Variants in GRIK2 observed in about 807,000 individuals in gnomAD.
GRIK2 encodes glutamate receptor ionotropic, kainate 2.
GRIK2 carries 32 observed loss-of-function variants against 100.3 expected under a neutral mutation model. The observed-to-expected ratio is 0.32, with a 90% CI of 0.24 to 0.43. The LOEUF (loss-of-function observed/expected upper bound fraction) is 0.43, where lower values mean the gene tolerates loss of function less well. Ranked by LOEUF, GRIK2 falls within the 20% of genes least tolerant of loss-of-function variation. GRIK2 has a pLI of 1.00. For missense variants in GRIK2, 843 were observed against 1,114.9 expected, an observed-to-expected ratio of 0.76 and a Z score of 3.47; for synonymous variants, 417 against 389.4, an observed-to-expected ratio of 1.07 and a Z score of -0.83.
intron 2 of GRIK2, among the ~76,000 whole-genome samples, chr6:101,509,609 T>C (rs752166876): frequency 2.6e-5 from 4 of 152,170 alleles, no homozygotes; most frequent in Non-Finnish European, 4.4e-5. Flanking sequence ...GCCTGGAAAT[T>C]TTCCAGGTAG....
chr6:101,790,002 C>T (rs545612876), intron 7 of GRIK2, among the ~76,000 whole-genome samples: 60 of 152,214 alleles, frequency 3.9e-4, no homozygotes, highest in Non-Finnish European at 7.2e-4. Flanking sequence ...ATTTGGCTCT[C>T]TGTTTGTTTG....
intron 10 of GRIK2, among the ~76,000 whole-genome samples, chr6:101,835,314 G>T (rs181847457): frequency 6.6e-6 from 1 of 151,792 alleles, no homozygotes; most frequent in Non-Finnish European, 1.5e-5. Flanking sequence ...GTTTTTATAC[G>T]TTGATTTTTG....
intron 2 of GRIK2, among the ~76,000 whole-genome samples, chr6:101,511,902 T>C (rs1401649919): frequency 6.6e-6 from 1 of 152,006 alleles, no homozygotes; most frequent in Admixed American, 6.6e-5. Context: ...ATTATTGGTA[T>C]TTTCAACTAA....
At chr6:101,397,889 T>C (rs1278301634) in intron 1 of GRIK2, among the ~76,000 whole-genome samples, 1 of 152,096 alleles carries the variant, frequency 6.6e-6, no homozygotes, top group African/African-American at 2.4e-5. Context: ...ATATTTATTA[T>C]ACAAGTTAGT....
intron 7 of GRIK2, among the ~76,000 whole-genome samples, chr6:101,698,285 T>G (rs1772643251): frequency 6.6e-6 from 1 of 152,124 alleles, no homozygotes; most frequent in African/African-American, 2.4e-5. Flanking sequence ...AAGAATCTAC[T>G]CTGATGCACT....
intron 2 of GRIK2, among the ~76,000 whole-genome samples, chr6:101,531,634 C>A (rs1775449527): frequency 6.6e-6 from 1 of 151,822 alleles, no homozygotes; most frequent in African/African-American, 2.4e-5. Context: ...TTTTGTATTA[C>A]AGATAAGCCA....
chr6:102,015,575 G>T (rs928318831), intron 14 of GRIK2, among the ~76,000 whole-genome samples: 2 of 152,128 alleles, frequency 1.3e-5, no homozygotes, highest in African/African-American at 4.8e-5. Context: ...TGCCACTGTT[G>T]CTGCGGCCAA....
chr6:102,033,222 T>C (rs1770090593), intron 14 of GRIK2, among the ~76,000 whole-genome samples: 1 of 151,110 alleles, frequency 6.6e-6, no homozygotes, highest in Admixed American at 6.6e-5. Context: ...TTATTACTAT[T>C]AATATTTATT....
chr6:101,753,234 G>C (rs1380310529), intron 7 of GRIK2, among the ~76,000 whole-genome samples: 1 of 139,470 alleles, frequency 7.2e-6, no homozygotes, highest in Non-Finnish European at 1.5e-5. Context: ...AGTAAGCCGA[G>C]ATCTTGCCAC....
intron 2 of GRIK2, among the ~76,000 whole-genome samples, chr6:101,437,791 CA>C (rs1292142138): frequency 2.0e-5 from 3 of 152,034 alleles, no homozygotes; most frequent in Non-Finnish European, 4.4e-5. Flanking sequence ...GTTATTGTAA[CA>C]AGTAGAATAA....
intron 4 of GRIK2, among the ~76,000 whole-genome samples, chr6:101,633,992 T>G (rs923089501): frequency 1.3e-5 from 2 of 151,826 alleles, no homozygotes; most frequent in African/African-American, 4.9e-5. Context: ...TTGTGGGGGT[T>G]TTTTTTGGCT....
At chr6:101,721,725 T>C (rs888041311) in intron 7 of GRIK2, among the ~76,000 whole-genome samples, 1 of 152,116 alleles carries the variant, frequency 6.6e-6, no homozygotes, top group Non-Finnish European at 1.5e-5. Context: ...CTTTCTCTGG[T>C]CTTTCTGTTG....
chr6:101,460,910 T>A (rs1164773775), intron 2 of GRIK2, among the ~76,000 whole-genome samples: 2 of 152,204 alleles, frequency 1.3e-5, no homozygotes, highest in Non-Finnish European at 2.9e-5. Flanking sequence ...GAAATTTATG[T>A]AGGTGGTCAT....
intron 2 of GRIK2, among the ~76,000 whole-genome samples, chr6:101,590,970 C>T (rs1778613494): frequency 2.6e-5 from 4 of 151,886 alleles, no homozygotes; most frequent in Non-Finnish European, 5.9e-5. Flanking sequence ...AAGGCAGAAA[C>T]CTCCCTATGC....
chr6:101,890,976 CATATATATATATATATAT>C (rs61125711), intron 12 of GRIK2, among the ~76,000 whole-genome samples: 1 of 146,748 alleles, frequency 6.8e-6, no homozygotes, highest in Non-Finnish European at 1.5e-5. Context: ...ATAAAGTGTA[CATATATATATATATATAT>C]ATATATATAT....
At chr6:101,461,930 C>T (rs1771327616) in intron 2 of GRIK2, among the ~76,000 whole-genome samples, 1 of 152,216 alleles carries the variant, frequency 6.6e-6, no homozygotes, top group Non-Finnish European at 1.5e-5. Flanking sequence ...TATTCCCTGA[C>T]ATTCCTAGCT....
At chr6:101,797,837 A>G (rs1265460257) in intron 7 of GRIK2, among the ~76,000 whole-genome samples, 1 of 148,084 alleles carries the variant, frequency 6.8e-6, no homozygotes, top group African/African-American at 2.5e-5. Flanking sequence ...ACCATTATTT[A>G]TACATTTATA....
In GRIK2 at chr6:101,742,602, G is replaced by A. The variant is rs571565172; in HGVS notation, c.951+56249G>A. On this transcript the variant is annotated intron_variant, in intron 7 of 16. Transcript: ENST00000369134. The stretch of plus-strand genomic sequence containing the variant: ...ATGCATTGGTTTGGTCCAGAAAGGC[G>A]GGACAATTTGAGGCAAGGGCTTCCA... Among the ~76,000 whole-genome samples, 8 of 152,174 alleles carry A rather than the reference G, an allele frequency of 5.3e-5. No individual in the cohort carries two copies. The South Asian group carries it at 6.2e-4, about 12-fold the overall frequency.
At chr6:101,794,366 T>C (rs2128410433) in intron 7 of GRIK2, among the ~76,000 whole-genome samples, 1 of 152,212 alleles carries the variant, frequency 6.6e-6, no homozygotes, top group East Asian at 1.9e-4. Flanking sequence ...CTCCCCGAGA[T>C]GAATTTCTTG....
Sources: gnomAD v4.1 joint callset for allele counts (sites outside exome capture counted in the v4.1 genomes callset) on GRCh38, gnomAD v4.1.1 for gene constraint, MANE v1.5 for transcripts, NCBI Gene and HGNC (gene_info 2026-07-23, HGNC 2026-07-21) for gene names.